UIMC1: variants seen among roughly 807,000 people sequenced by gnomAD.
The protein encoded by UIMC1 is ubiquitin interaction motif containing 1, also known as BRCA1-A complex subunit RAP80.
In UIMC1, 42 loss-of-function variants were observed where a neutral mutation model predicts 84.9. The ratio of observed to expected loss-of-function variants is 0.49; its 90% CI spans 0.39 to 0.64. The LOEUF is 0.64. Among genes scored for constraint, UIMC1 ranks in the 30% least tolerant of loss-of-function variants. The probability of loss-of-function intolerance (pLI) is 0.00; values close to 1 mark genes in which losing one functional copy is unlikely to be tolerated. For missense variants in UIMC1, 825 were observed against 847.6 expected, an observed-to-expected ratio of 0.97 and a Z score of 0.33; for synonymous variants, 281 against 293.0, an observed-to-expected ratio of 0.96 and a Z score of 0.42.
chr5:177,014,492 C>A (rs1040283099), intron 1 of UIMC1, among the ~76,000 whole-genome samples: 2 of 152,118 alleles, frequency 1.3e-5, no homozygotes, highest in Admixed American at 6.6e-5. Flanking sequence ...TTCTTTTCTG[C>A]ACAATATGTA....
At chr5:176,956,952 A>G (rs2149463557) in intron 7 of UIMC1, among the ~76,000 whole-genome samples, 1 of 152,292 alleles carries the variant, frequency 6.6e-6, no homozygotes, top group South Asian at 2.1e-4. Flanking sequence ...TGCTCTATTC[A>G]AAGGGTCCAT....
At chr5:177,001,828 C>T (rs1239055824) in intron 1 of UIMC1, among the ~76,000 whole-genome samples, 5 of 150,802 alleles carry the variant, frequency 3.3e-5, no homozygotes, top group African/African-American at 1.2e-4. Flanking sequence ...CAGGCGCCTG[C>T]AGTCCCAGCT....
chr5:176,916,752 C>A (rs75315224), intron 10 of UIMC1, among the ~76,000 whole-genome samples: 16,096 of 152,216 alleles, frequency 0.11, 1,115 homozygotes, highest in Non-Finnish European at 0.15. Flanking sequence ...ATCCATGGAA[C>A]CAGTGACCAC....
chr5:176,992,116 T>A (rs1772956385), intron 1 of UIMC1, among the ~76,000 whole-genome samples: 1 of 151,938 alleles, frequency 6.6e-6, no homozygotes, highest in Non-Finnish European at 1.5e-5. Context: ...GAGTGAGACC[T>A]CATCTCAAAA....
chr5:176,968,548 C>A lies in UIMC1; in HGVS notation c.1200+7G>T. The A allele has an allele frequency of 6.3e-7, 1 of 1,599,650 alleles. No individual in the cohort carries two copies. Among genetic ancestry groups the A allele is most frequent in the Non-Finnish European group, 8.5e-7 (1 of 1,174,090 alleles). Reference sequence around the variant, plus strand: ...TCATCCTTAATTACAGCATCACTGACCCTTACCTGACCATGACTGGTTGTT... The same window carrying A: ...TCATCCTTAATTACAGCATCACTGAACCTTACCTGACCATGACTGGTTGTT... On this transcript the variant is annotated splice_region_variant and intron_variant, in intron 6 of 14. Coordinates refer to ENST00000511320, the MANE Select transcript of UIMC1 (RefSeq NM_001199298.2).
At chr5:176,909,130 T>A (rs1014836783) in intron 11 of UIMC1, among the ~76,000 whole-genome samples, 1 of 152,268 alleles carries the variant, frequency 6.6e-6, no homozygotes, top group Non-Finnish European at 1.5e-5. Context: ...TGAACTTGTC[T>A]GATTAGCAAA....
chr5:176,958,659 T>C (rs1212250107), intron 6 of UIMC1, among the ~76,000 whole-genome samples: 2 of 152,200 alleles, frequency 1.3e-5, no homozygotes, highest in Admixed American at 1.3e-4. Flanking sequence ...AACCAAGCCA[T>C]AACACAGGAC....
In UIMC1 at chr5:176,937,355, C is replaced by T. The variant is rs904440448; in HGVS notation, c.1597+5980G>A. Reference sequence around the variant, plus strand: ...CTAAAAATACAAAAAATTAGCCGAGCGTGGTAGCAGGCGCCTGTAGTCCCA... The same window carrying T: ...CTAAAAATACAAAAAATTAGCCGAGTGTGGTAGCAGGCGCCTGTAGTCCCA... On this transcript the variant is annotated intron_variant, in intron 10 of 14. Transcript: ENST00000511320. Among the ~76,000 whole-genome samples, 13 of 152,140 alleles carry T rather than the reference C, an allele frequency of 8.5e-5. No homozygotes were observed. In the East Asian group the frequency reaches 2.3e-3, roughly 27 times the overall value.
intron 2 of UIMC1, among the ~76,000 whole-genome samples, chr5:176,979,676 G>A (rs551069902): frequency 1.6e-3 from 245 of 152,016 alleles, no homozygotes; most frequent in African/African-American, 5.7e-3. Context: ...ATTCTCAGGT[G>A]GTAACTGCAA....
chr5:176,939,626 T>C (rs76868135), intron 10 of UIMC1, among the ~76,000 whole-genome samples: 2 of 152,180 alleles, frequency 1.3e-5, no homozygotes, highest in Non-Finnish European at 2.9e-5. Context: ...CCTAGGTGTG[T>C]AGTAGACTAC....
chr5:176,979,104 C>T (rs143527238), intron 2 of UIMC1, among the ~76,000 whole-genome samples: 1 of 152,228 alleles, frequency 6.6e-6, no homozygotes, highest in East Asian at 1.9e-4. Context: ...GGAAGAAAAA[C>T]AGAGACACAC....
upstream of UIMC1, among the ~76,000 whole-genome samples, chr5:177,009,993 A>G (rs1235674890): frequency 6.6e-6 from 1 of 152,158 alleles, no homozygotes; most frequent in East Asian, 1.9e-4. The surrounding 1 kb of genome is among the most constrained non-coding windows in gnomAD (Gnocchi z 4.3). Flanking sequence ...CTCCGTCTCA[A>G]AAAATTAAAT....
intron 10 of UIMC1, among the ~76,000 whole-genome samples, chr5:176,922,101 G>A (rs572063160): frequency 1.1e-4 from 16 of 151,816 alleles, no homozygotes; most frequent in African/African-American, 3.6e-4. Context: ...CTCTTTAATC[G>A]AGCCCCCTTT....
At chr5:176,914,022 CACCATACCATACCATACACCATACCAT>C (rs1390969895) in intron 10 of UIMC1, among the ~76,000 whole-genome samples, 2 of 148,500 alleles carry the variant, frequency 1.3e-5, no homozygotes, top group African/African-American at 2.5e-5. Flanking sequence ...CCATACCATA[CACCATACCATACCATACACCATACCAT>C]ACCATACCAT....
At chr5:176,911,416 T>A in intron 10 of UIMC1, 27 bp from the exon 11 acceptor site, 1 of 1,411,546 alleles carries the variant, frequency 7.1e-7, no homozygotes, top group Non-Finnish European at 9.4e-7. Context: ...TATATATATA[T>A]ACACATAGTT....
intron 1 of UIMC1, among the ~76,000 whole-genome samples, chr5:176,987,395 C>T (rs1322834258): frequency 1.3e-5 from 2 of 152,152 alleles, no homozygotes; most frequent in South Asian, 4.1e-4. Context: ...TTTATAATCC[C>T]AGCACTTTAG....
At chr5:177,001,364 T>C (rs1774419332) in intron 1 of UIMC1, 1 of 152,160 alleles carries the variant, frequency 6.6e-6, no homozygotes, top group South Asian at 2.1e-4. Context: ...TGGGGTTTTG[T>C]TTTTTGAATA....
rs187329604 is a variant in UIMC1, at chr5:176,989,919, G to A, written c.-8-7296C>T. Reference sequence around the variant, plus strand: ...CCTGGGGCCAGGCGCAGTGGCTCACGTCTGTAATCCCAGCACTTTGGGAGG... The same window carrying A: ...CCTGGGGCCAGGCGCAGTGGCTCACATCTGTAATCCCAGCACTTTGGGAGG... On this transcript the variant is annotated intron_variant, in intron 1 of 14. Transcript: ENST00000511320. Among the ~76,000 whole-genome samples, 208 of 152,194 alleles carry A rather than the reference G, an allele frequency of 1.4e-3. 3 individuals are homozygous for A. Among genetic ancestry groups the A allele is most frequent in the African/African-American group, 4.6e-3 (191 of 41,526 alleles).
intron 10 of UIMC1, among the ~76,000 whole-genome samples, chr5:176,921,175 G>T (rs1474077956): frequency 6.6e-6 from 1 of 152,150 alleles, no homozygotes; most frequent in African/African-American, 2.4e-5. Context: ...AAAAGTATTA[G>T]TCTATCTGCA....
Sources: allele counts gnomAD v4.1 joint callset (sites outside exome capture counted in the v4.1 genomes callset), GRCh38; gene constraint gnomAD v4.1.1; non-coding constraint Gnocchi (gnomAD v3.1); transcripts MANE v1.5; gene names NCBI Gene and HGNC (gene_info 2026-07-23, HGNC 2026-07-21).